Variants in CLIC5 observed in about 807,000 individuals in gnomAD.
CLIC5 encodes CLIC family member 5, also known as chloride intracellular channel protein 5.
In CLIC5, 20 loss-of-function variants were observed where a neutral mutation model predicts 24.7. The observed-to-expected ratio is 0.81, with a 90% CI of 0.57 to 1.18. The LOEUF is 1.18. Ranked by LOEUF, CLIC5 falls within the 50% of genes most tolerant of loss-of-function variation. The probability of loss-of-function intolerance (pLI) is 0.00; values close to 1 mark genes in which losing one functional copy is unlikely to be tolerated. For synonymous variants in CLIC5, 159 were observed against 135.6 expected, an observed-to-expected ratio of 1.17 and a Z score of -1.20; for missense variants, 341 against 326.1, an observed-to-expected ratio of 1.05 and a Z score of -0.35.
At chr6:45,912,579 A>C (rs1762859680) in intron 5 of CLIC5, 2 of 1,439,090 alleles carry the variant, frequency 1.4e-6, no homozygotes, top group South Asian at 1.3e-5. Context: ...AGGCATGAGA[A>C]AAATGAATTC....
chr6:45,895,093 G>T (rs1293929848), downstream of CLIC5, among the ~76,000 whole-genome samples: 6 of 152,068 alleles, frequency 3.9e-5, no homozygotes, highest in Admixed American at 3.3e-4. Flanking sequence ...CTAATTAAAG[G>T]TGGTTATCTG....
chr6:45,955,381 A>C, intron 1 of CLIC5, 137 bp from the exon 2 acceptor site: 1 of 619,592 alleles, frequency 1.6e-6, no homozygotes, highest in South Asian at 2.2e-5. Context: ...CGGTAGCCTG[A>C]TATTATTAGT....
intron 1 of CLIC5, among the ~76,000 whole-genome samples, chr6:46,023,106 T>G (rs1581873990): frequency 6.6e-6 from 1 of 152,230 alleles, no homozygotes; most frequent in Non-Finnish European, 1.5e-5. Flanking sequence ...GCACTTCTAT[T>G]TGAAGTCTCC....
upstream of CLIC5, among the ~76,000 whole-genome samples, chr6:46,080,516 T>C (rs1165184064): frequency 1.3e-5 from 2 of 152,214 alleles, no homozygotes; most frequent in African/African-American, 4.8e-5. Flanking sequence ...GATTTCCTCA[T>C]TGGCAGTAAC....
intron 3 of CLIC5, among the ~76,000 whole-genome samples, chr6:45,948,297 T>C (rs751283149): frequency 4.6e-5 from 7 of 152,210 alleles, no homozygotes; most frequent in Non-Finnish European, 8.8e-5. Context: ...TCTCCCCCGA[T>C]TTTCCTGCCC....
chr6:45,927,084 C>T (rs34866782), intron 4 of CLIC5, among the ~76,000 whole-genome samples: 8,936 of 152,148 alleles, frequency 0.059, 310 homozygotes, highest in South Asian at 0.096. Flanking sequence ...AGGACGTGCC[C>T]GTGGCTCTGA....
chr6:46,092,892 C>CTACAGTG, the CLIC5 span, among the ~76,000 whole-genome samples: 2 of 152,140 alleles, frequency 1.3e-5, no homozygotes, highest in African/African-American at 4.8e-5. Flanking sequence ...ACATATCTGT[C>CTACAGTG]TACAGTGTAC....
intron 1 of CLIC5, among the ~76,000 whole-genome samples, chr6:46,049,770 G>A (rs1006008709): frequency 6.6e-6 from 1 of 152,232 alleles, no homozygotes; most frequent in African/African-American, 2.4e-5. Flanking sequence ...GACAGGCTAT[G>A]TAAATAGCCT....
intron 1 of CLIC5, among the ~76,000 whole-genome samples, chr6:45,985,090 G>A (rs1765688888): frequency 6.6e-6 from 1 of 152,192 alleles, no homozygotes; most frequent in Non-Finnish European, 1.5e-5. Flanking sequence ...TGGAGGGAGG[G>A]CCTGGAAAGG....
At chr6:45,977,244 A>G (rs965531078) in intron 1 of CLIC5, among the ~76,000 whole-genome samples, 1 of 152,106 alleles carries the variant, frequency 6.6e-6, no homozygotes, top group Non-Finnish European at 1.5e-5. Context: ...ACTCCACTTC[A>G]GGTGTTTATA....
intron 4 of CLIC5, among the ~76,000 whole-genome samples, chr6:45,931,519 T>G (rs1763734507): frequency 6.6e-6 from 1 of 152,234 alleles, no homozygotes; most frequent in African/African-American, 2.4e-5. Context: ...TCCACTATTA[T>G]GTCTCAAGTC....
At chr6:46,041,968 A>C (rs1482321184) in intron 1 of CLIC5, among the ~76,000 whole-genome samples, 9 of 152,222 alleles carry the variant, frequency 5.9e-5, no homozygotes, top group Non-Finnish European at 1.3e-4. Flanking sequence ...AAGCACTAGA[A>C]GCTCTCAATT....
the CLIC5 span, among the ~76,000 whole-genome samples, chr6:46,116,225 G>T: frequency 6.6e-6 from 1 of 150,918 alleles, no homozygotes; most frequent in East Asian, 1.9e-4. Flanking sequence ...GCTTTGGAGA[G>T]AATTTGACAC....
chr6:45,913,008 C>A lies in CLIC5; in HGVS notation c.588+1220G>T, dbSNP rs185784414. The stretch of plus-strand genomic sequence containing the variant: ...CATGCTCTGGTTGGAGAGGAGATAG[C>A]ATTTTTGACTCGGGACTTGAGCTGA... On this transcript the variant is annotated intron_variant, in intron 5 of 5. Transcript: ENST00000339561. Among the ~76,000 whole-genome samples the A allele has an allele frequency of 3.1e-4, 47 of 152,336 alleles. 1 individual carries two copies. In the East Asian group the frequency reaches 6.0e-3, roughly 19 times the overall value.
At chr6:45,923,762 C>G (rs1296194004) in intron 4 of CLIC5, among the ~76,000 whole-genome samples, 1 of 152,212 alleles carries the variant, frequency 6.6e-6, no homozygotes, top group African/African-American at 2.4e-5. Context: ...ATGACACACT[C>G]TTGTTTAATT....
intron 1 of CLIC5, among the ~76,000 whole-genome samples, chr6:46,002,119 T>C (rs185806188): frequency 6.6e-4 from 101 of 152,322 alleles, no homozygotes; most frequent in Admixed American, 1.8e-3. Flanking sequence ...CAAGGAGGAA[T>C]GAAGCTGCTA....
At chr6:46,082,932 T>C (rs1276654740), upstream of CLIC5, among the ~76,000 whole-genome samples, 4 of 152,254 alleles carry the variant, frequency 2.6e-5, no homozygotes, top group African/African-American at 9.6e-5. Flanking sequence ...CGAATCTCTG[T>C]CTACTTTTTC....
At chr6:46,119,108 AT>A in the CLIC5 span, among the ~76,000 whole-genome samples, 1 of 152,198 alleles carries the variant, frequency 6.6e-6, no homozygotes, top group Non-Finnish European at 1.5e-5. Context: ...TCCAGAAGGA[AT>A]GTAGCCCTGC....
At chr6:46,019,663 G>C (rs768627400), upstream of CLIC5, among the ~76,000 whole-genome samples, 3 of 144,360 alleles carry the variant, frequency 2.1e-5, no homozygotes, top group Non-Finnish European at 3.0e-5. Context: ...TCCGCAGTCC[G>C]GCCTGGGCGA....
Sources: allele counts gnomAD v4.1 joint callset (sites outside exome capture counted in the v4.1 genomes callset), GRCh38; gene constraint gnomAD v4.1.1; transcripts MANE v1.5; gene names NCBI Gene and HGNC (gene_info 2026-07-23, HGNC 2026-07-21).